The following NCALD variants were observed in gnomAD, a reference collection of about 807,000 sequenced individuals.
NCALD encodes neurocalcin delta, also known as neurocalcin-delta.
A neutral mutation model predicts 18.6 loss-of-function variants in NCALD; 10 were observed. The ratio of observed to expected loss-of-function variants is 0.54; its 90% confidence interval spans 0.33 to 0.91. The LOEUF is 0.91. NCALD is among the 40% of genes least tolerant of loss of function. The pLI, the probability that NCALD is intolerant of heterozygous loss-of-function variation, is 0.03. For synonymous variants in NCALD, 88 were observed against 87.4 expected (o/e 1.01, Z -0.04); for missense variants, 184 against 247.6 (o/e 0.74, Z 1.72).
At chr8:101,841,204 T>C (rs887170618) in intron 4 of NCALD, among the ~76,000 whole-genome samples, 2 of 152,230 alleles carry the variant, frequency 1.3e-5, no homozygotes, top group Non-Finnish European at 2.9e-5. Context: ...AGTTGTAGAC[T>C]GAGGGCTGGT....
At chr8:101,789,362 A>T (rs1043347154) in intron 1 of NCALD, among the ~76,000 whole-genome samples, 1 of 152,192 alleles carries the variant, frequency 6.6e-6, no homozygotes, top group African/African-American at 2.4e-5. Context: ...AAAGCACATT[A>T]GACTTTTGGA....
chr8:101,755,276 G>A (rs150788825), intron 1 of NCALD, among the ~76,000 whole-genome samples: 4 of 152,256 alleles, frequency 2.6e-5, no homozygotes, highest in Non-Finnish European at 5.9e-5. Flanking sequence ...AGTTGATACC[G>A]CTGCCCCAAC....
At chr8:101,793,588 C>T (rs6468794), upstream of NCALD, among the ~76,000 whole-genome samples, 122,699 of 152,064 alleles carry the variant, frequency 0.81, 49,585 homozygotes, top group African/African-American at 0.86. Flanking sequence ...AGCTCAGATT[C>T]CTACCAATTT....
At chr8:101,741,634 GA>G (rs11289645) in intron 1 of NCALD, among the ~76,000 whole-genome samples, 91,716 of 148,238 alleles carry the variant, frequency 0.62, 30,582 homozygotes, top group Non-Finnish European at 0.75. Flanking sequence ...ACAGTGAAAG[GA>G]AAAAAAAAAA....
intron 1 of NCALD, among the ~76,000 whole-genome samples, chr8:102,117,428 G>A (rs1332244777): frequency 1.3e-5 from 2 of 152,168 alleles, no homozygotes; most frequent in Non-Finnish European, 2.9e-5. Flanking sequence ...AGGCCAGAGA[G>A]TCCCAGCTAC....
intron 3 of NCALD, among the ~76,000 whole-genome samples, chr8:101,895,094 C>T (rs1271946): frequency 0.33 from 49,410 of 149,366 alleles, 10,111 homozygotes; most frequent in African/African-American, 0.56. Flanking sequence ...CCTTGATGAA[C>T]ATTGATGCAA....
At chr8:102,018,097 C>A (rs1382638682) in intron 2 of NCALD, among the ~76,000 whole-genome samples, 4 of 152,158 alleles carry the variant, frequency 2.6e-5, no homozygotes, top group Non-Finnish European at 5.9e-5. Flanking sequence ...GCTAGAGGAG[C>A]TGTGGAACAA....
intron 1 of NCALD, among the ~76,000 whole-genome samples, chr8:102,077,669 A>G (rs916767051): frequency 3.6e-4 from 55 of 152,006 alleles, no homozygotes; most frequent in African/African-American, 1.3e-3. Context: ...CAGGCCTCAT[A>G]CCCCCATTCC....
At chr8:102,047,136 A>G (rs931757418) in intron 1 of NCALD, among the ~76,000 whole-genome samples, 11 of 147,680 alleles carry the variant, frequency 7.4e-5, no homozygotes, top group African/African-American at 2.4e-4. Context: ...TTCCTGCAAA[A>G]GACATGATCT....
intron 4 of NCALD, among the ~76,000 whole-genome samples, chr8:101,800,711 C>A (rs1048847211): frequency 3.3e-5 from 5 of 150,936 alleles, no homozygotes; most frequent in Non-Finnish European, 7.4e-5. Flanking sequence ...TCTACCAAGA[C>A]AAAGCTGGTG....
At chr8:101,961,114 A>G (rs1254150732) in intron 2 of NCALD, among the ~76,000 whole-genome samples, 12 of 152,208 alleles carry the variant, frequency 7.9e-5, no homozygotes, top group Admixed American at 6.5e-5. Flanking sequence ...TACCTCGGAC[A>G]GTGGCTGGCA....
At chr8:102,039,202 G>C (rs566634114) in intron 1 of NCALD, among the ~76,000 whole-genome samples, 3 of 152,148 alleles carry the variant, frequency 2.0e-5, no homozygotes, top group African/African-American at 7.2e-5. Flanking sequence ...CCTGTGCTAG[G>C]TCCTCTGTAC....
chr8:102,089,557 T>C (rs1281635910), intron 1 of NCALD, among the ~76,000 whole-genome samples: 1 of 152,164 alleles, frequency 6.6e-6, no homozygotes, highest in African/African-American at 2.4e-5. Context: ...GCTTAAATAT[T>C]TTAAAAGTAA....
intron 1 of NCALD, among the ~76,000 whole-genome samples, chr8:101,760,088 C>A (rs950003076): frequency 6.6e-6 from 1 of 152,162 alleles, no homozygotes; most frequent in African/African-American, 2.4e-5. Flanking sequence ...TGACATGATT[C>A]TCCAAGGGCT....
chr8:102,106,466 T>C (rs611528), intron 1 of NCALD, among the ~76,000 whole-genome samples: 28,004 of 138,974 alleles, frequency 0.2, 2,941 homozygotes, highest in Non-Finnish European at 0.22. Flanking sequence ...TATATATATA[T>C]ACACACACAC....
chr8:101,715,906 G>A (rs551935968), intron 2 of NCALD, among the ~76,000 whole-genome samples: 2 of 152,314 alleles, frequency 1.3e-5, no homozygotes, highest in South Asian at 2.1e-4. Flanking sequence ...GGAACACAGT[G>A]TGGCGATTCC....
At chr8:102,050,201 C>T (rs1054559293) in intron 1 of NCALD, among the ~76,000 whole-genome samples, 2 of 95,500 alleles carry the variant, frequency 2.1e-5, no homozygotes, top group South Asian at 4.0e-4. Context: ...AAAAATTGAG[C>T]TGTTTTCTAA....
At chr8:101,781,228 C>A (rs569492224) in intron 1 of NCALD, among the ~76,000 whole-genome samples, 12 of 152,152 alleles carry the variant, frequency 7.9e-5, no homozygotes, top group African/African-American at 2.9e-4. Flanking sequence ...GCTTTAACTA[C>A]CCCTGGCAGT....
chr8:101,804,462 A>C (rs1446605365), intron 4 of NCALD, among the ~76,000 whole-genome samples: 2 of 128,678 alleles, frequency 1.6e-5, no homozygotes, highest in South Asian at 4.4e-4. Context: ...ATTATATAAT[A>C]TATAACAAAG....
Sources: gnomAD v4.1 joint callset for allele counts (sites outside exome capture counted in the v4.1 genomes callset) on GRCh38, gnomAD v4.1.1 for gene constraint, MANE v1.5 for transcripts, NCBI Gene and HGNC (gene_info 2026-07-23, HGNC 2026-07-21) for gene names.